The following RBFOX1 variants were observed in gnomAD, a reference collection of about 807,000 sequenced individuals.
RBFOX1 encodes RNA binding protein fox-1 homolog 1.
A neutral mutation model predicts 57.7 loss-of-function variants in RBFOX1; 8 were observed. The observed-to-expected ratio is 0.14, with a 90% CI of 0.08 to 0.25. The LOEUF is 0.25. Among genes scored for constraint, RBFOX1 ranks in the 10% least tolerant of loss-of-function variants. The probability of loss-of-function intolerance (pLI) is 1.00; values close to 1 mark genes in which losing one functional copy is unlikely to be tolerated. For missense variants in RBFOX1, 611 were observed against 548.5 expected, an observed-to-expected ratio of 1.11 and a Z score of -1.14; for synonymous variants, 326 against 222.4, an observed-to-expected ratio of 1.47 and a Z score of -4.15.
chr16:6,861,650 T>G (rs2059021096), intron 3 of RBFOX1, among the ~76,000 whole-genome samples: 2 of 152,044 alleles, frequency 1.3e-5, no homozygotes, highest in Non-Finnish European at 1.5e-5. Flanking sequence ...TATTACAGAC[T>G]TGGCATGCAA....
intron 4 of RBFOX1, among the ~76,000 whole-genome samples, chr16:7,435,996 G>T (rs1039596621): frequency 1.3e-5 from 2 of 152,012 alleles, no homozygotes; most frequent in African/African-American, 2.4e-5. Flanking sequence ...TTTTCTCTGC[G>T]CTGTGATCTT....
At chr16:7,606,206 C>T (rs1441337950) in intron 9 of RBFOX1, among the ~76,000 whole-genome samples, 1 of 150,306 alleles carries the variant, frequency 6.7e-6, no homozygotes, top group Non-Finnish European at 1.5e-5. Flanking sequence ...ACTGCAACCT[C>T]TGCCTCCCAG....
intron 2 of RBFOX1, among the ~76,000 whole-genome samples, chr16:6,441,499 C>A (rs2094381765): frequency 6.6e-6 from 1 of 152,104 alleles, no homozygotes. Context: ...CCACTGCAAC[C>A]TCTGCCTCCA....
chr16:5,794,825 A>G (rs184050284), intron 3 of RBFOX1, among the ~76,000 whole-genome samples: 3 of 152,174 alleles, frequency 2.0e-5, no homozygotes, highest in African/African-American at 4.8e-5. Context: ...GGCTAGTGGC[A>G]TCTCTTATGT....
intron 4 of RBFOX1, among the ~76,000 whole-genome samples, chr16:7,220,628 G>A (rs541709036): frequency 1.2e-4 from 18 of 152,282 alleles, no homozygotes; most frequent in African/African-American, 4.3e-4. Flanking sequence ...TCTGGTTGAG[G>A]ACTTGTTACC....
At chr16:6,396,848 T>A (rs113843413) in intron 2 of RBFOX1, among the ~76,000 whole-genome samples, 1 of 152,214 alleles carries the variant, frequency 6.6e-6, no homozygotes, top group African/African-American at 2.4e-5. Context: ...CTGGTATAAA[T>A]GTGAATAGTA....
intron 2 of RBFOX1, among the ~76,000 whole-genome samples, chr16:5,484,570 G>A (rs992209548): frequency 1.3e-5 from 2 of 152,140 alleles, no homozygotes; most frequent in Non-Finnish European, 2.9e-5. Flanking sequence ...TTGAGGCCAG[G>A]GCTTCAAGGC....
chr16:5,535,406 T>C (rs1470119613), intron 2 of RBFOX1, among the ~76,000 whole-genome samples: 1 of 152,148 alleles, frequency 6.6e-6, no homozygotes, highest in East Asian at 1.9e-4. Flanking sequence ...ATTCTAAAAA[T>C]GTAGTAGTGG....
chr16:5,575,661 C>A (rs186687002), intron 2 of RBFOX1, among the ~76,000 whole-genome samples: 19 of 152,304 alleles, frequency 1.2e-4, no homozygotes, highest in African/African-American at 4.1e-4. Context: ...GAAAGTGCTA[C>A]ATTGTGTGGA....
At chr16:6,542,371 G>A (rs2096832787) in intron 2 of RBFOX1, among the ~76,000 whole-genome samples, 1 of 151,782 alleles carries the variant, frequency 6.6e-6, no homozygotes, top group Non-Finnish European at 1.5e-5. Flanking sequence ...TGAGGCAGGT[G>A]TACTGGAGGG....
chr16:6,955,681 G>T (rs975169054), intron 3 of RBFOX1, among the ~76,000 whole-genome samples: 20 of 100,278 alleles, frequency 2.0e-4, no homozygotes, highest in African/African-American at 6.7e-4. Context: ...ATTTATTTAG[G>T]TATGTATGTA....
At chr16:6,466,737 C>CT (rs749340340) in intron 2 of RBFOX1, among the ~76,000 whole-genome samples, 6 of 152,126 alleles carry the variant, frequency 3.9e-5, no homozygotes, top group Non-Finnish European at 8.8e-5. Flanking sequence ...GCGAGGCTCT[C>CT]TTAGTTCGAA....
chr16:6,622,929 C>G (rs779195131), intron 2 of RBFOX1, among the ~76,000 whole-genome samples: 29 of 152,336 alleles, frequency 1.9e-4, no homozygotes, highest in South Asian at 4.1e-4. Context: ...AGTTAATGCA[C>G]TTAATTCTCT....
At chr16:7,052,409 A>C (rs1292584127) in intron 4 of RBFOX1, among the ~76,000 whole-genome samples, 1 of 152,200 alleles carries the variant, frequency 6.6e-6, no homozygotes, top group Non-Finnish European at 1.5e-5. Flanking sequence ...GTAATAACAA[A>C]GGTCAAAAGG....
chr16:6,428,219 G>C (rs1264881478), intron 2 of RBFOX1, among the ~76,000 whole-genome samples: 2 of 148,444 alleles, frequency 1.3e-5, no homozygotes, highest in African/African-American at 5.0e-5. Context: ...CTGGGAGGCA[G>C]AGGTTGCAGT....
At chr16:5,637,026 G>A (rs532577108) in intron 3 of RBFOX1, among the ~76,000 whole-genome samples, 1 of 152,308 alleles carries the variant, frequency 6.6e-6, no homozygotes, top group African/African-American at 2.4e-5. Flanking sequence ...AAGGGGTGAA[G>A]CTCTGCTCAC....
chr16:6,204,169 C>T (rs1336281438), intron 1 of RBFOX1, among the ~76,000 whole-genome samples: 1 of 152,098 alleles, frequency 6.6e-6, no homozygotes, highest in Admixed American at 6.6e-5. Flanking sequence ...GGAATCTTCC[C>T]TTTTCCTCCC....
chr16:6,676,663 TTTTTC>T (rs1477569499), intron 3 of RBFOX1, among the ~76,000 whole-genome samples: 28 of 145,946 alleles, frequency 1.9e-4, no homozygotes, highest in African/African-American at 5.0e-4. Context: ...TTTCTTTTTG[TTTTTC>T]TTTTCTTTTT....
intron 3 of RBFOX1, among the ~76,000 whole-genome samples, chr16:6,819,802 C>G (rs566101041): frequency 6.7e-6 from 1 of 148,974 alleles, no homozygotes; most frequent in South Asian, 2.1e-4. Context: ...TTGTTGATTA[C>G]GACACTGGTA....
Sources: gnomAD v4.1 joint callset for allele counts (sites outside exome capture counted in the v4.1 genomes callset) on GRCh38, gnomAD v4.1.1 for gene constraint, MANE v1.5 for transcripts, NCBI Gene and HGNC (gene_info 2026-07-23, HGNC 2026-07-21) for gene names.